The following GFRA1 variants were observed in gnomAD, a reference collection of about 807,000 sequenced individuals.
GFRA1 encodes GDNF family receptor alpha 1.
A neutral mutation model predicts 51.6 loss-of-function variants in GFRA1; 16 were observed. The observed-to-expected ratio is 0.31, with a 90% confidence interval of 0.21 to 0.47. GFRA1 has a LOEUF of 0.47. GFRA1 is among the 20% of genes least tolerant of loss of function. The pLI, the probability that GFRA1 is intolerant of heterozygous loss-of-function variation, is 1.00. For synonymous variants in GFRA1, 270 were observed against 241.3 expected, an observed-to-expected ratio of 1.12 and a Z score of -1.10; for missense variants, 530 against 594.3, an observed-to-expected ratio of 0.89 and a Z score of 1.13.
chr10:116,147,045 A>T (rs368077646), intron 5 of GFRA1, among the ~76,000 whole-genome samples: 1 of 149,142 alleles, frequency 6.7e-6, no homozygotes, highest in African/African-American at 2.5e-5. Flanking sequence ...TGTGTGTGTG[A>T]GAGAGAGAGA....
At chr10:116,245,968 G>C (rs1967833927) in intron 4 of GFRA1, among the ~76,000 whole-genome samples, 1 of 152,180 alleles carries the variant, frequency 6.6e-6, no homozygotes, top group Admixed American at 6.5e-5. Flanking sequence ...TTTTAGGGCA[G>C]TGACACTCTT....
chr10:116,274,059 T>G (rs1844130877), upstream of GFRA1, among the ~76,000 whole-genome samples: 1 of 152,222 alleles, frequency 6.6e-6, no homozygotes, highest in African/African-American at 2.4e-5. Context: ...GACCTCCATT[T>G]TGGCTGTTTC....
In GFRA1 at chr10:116,064,066, TC is replaced by T; in HGVS notation, c.*331del. ...ATCATCATGATCATGATGATCATCA[TC>T]ATGATCATGATGATCATCATCATGA... On this transcript the variant is annotated 3_prime_UTR_variant, in exon 11 of 11. Coordinates refer to ENST00000355422, the MANE Select transcript of GFRA1 (RefSeq NM_005264.8). The T allele has an allele frequency of 6.9e-6, 1 of 144,368 alleles. No homozygotes were observed. The highest frequency in any genetic ancestry group is 5.7e-5 in the African/African-American group (1 of 17,504). The allele number at this position is 144,368 out of a possible 1,614,324, so 8.9% of individuals were successfully genotyped here. A position where few individuals can be genotyped will look rare whatever the true frequency, so the allele number is the denominator to read the frequency against.
intron 4 of GFRA1, among the ~76,000 whole-genome samples, chr10:116,256,040 C>G (rs759739784): frequency 6.6e-6 from 1 of 152,146 alleles, no homozygotes; most frequent in South Asian, 2.1e-4. Context: ...CAGTCATCCA[C>G]CTACCCACCG....
At chr10:116,173,297 G>A (rs149083216) in intron 5 of GFRA1, among the ~76,000 whole-genome samples, 2,256 of 152,240 alleles carry the variant, frequency 0.015, 21 homozygotes, top group Middle Eastern at 0.054. Flanking sequence ...GCTGTCTGCC[G>A]TCCCAGTATG....
Position 116,234,680 on chromosome 10 carries a change from C to A in GFRA1, c.419-23035G>T, listed in dbSNP as rs2091319773. Among the ~76,000 whole-genome samples the A allele has an allele frequency of 1.3e-5, 2 of 152,180 alleles. 1 individual carries two copies. The highest frequency in any genetic ancestry group is 2.9e-5 in the Non-Finnish European group (2 of 68,046). Reference sequence around the variant, plus strand: ...AAATGTACCACTCAGGGCTACTGGACAGAGCTCTGGGGTGGAACATAGACC... The same window carrying A: ...AAATGTACCACTCAGGGCTACTGGAAAGAGCTCTGGGGTGGAACATAGACC... On this transcript the variant is annotated intron_variant, in intron 4 of 10. Transcript: ENST00000355422.
At chr10:116,245,984 T>C (rs1967835473) in intron 4 of GFRA1, among the ~76,000 whole-genome samples, 1 of 152,180 alleles carries the variant, frequency 6.6e-6, no homozygotes, top group South Asian at 2.1e-4. Flanking sequence ...CTCTTCTGTG[T>C]GATACTGTAA....
chr10:116,236,639 G>T (rs1252277799), intron 4 of GFRA1, among the ~76,000 whole-genome samples: 1 of 152,128 alleles, frequency 6.6e-6, no homozygotes, highest in African/African-American at 2.4e-5. Flanking sequence ...TGAGGGAAGG[G>T]GTAACTGTTA....
intron 4 of GFRA1, among the ~76,000 whole-genome samples, chr10:116,252,110 C>T (rs558740214): frequency 2.0e-5 from 3 of 151,602 alleles, no homozygotes; most frequent in East Asian, 1.9e-4. Context: ...TTCCAGCCCA[C>T]GTCAGAGTGC....
chr10:116,200,878 G>T (rs1288186253), intron 5 of GFRA1, among the ~76,000 whole-genome samples: 1 of 152,162 alleles, frequency 6.6e-6, no homozygotes, highest in African/African-American at 2.4e-5. Flanking sequence ...GATCATTCTG[G>T]GGAGAAAGCG....
At chr10:116,099,327 T>C (rs1248524687) in intron 6 of GFRA1, among the ~76,000 whole-genome samples, 11 of 152,224 alleles carry the variant, frequency 7.2e-5, no homozygotes. Context: ...CTTGGAGCAC[T>C]GGTTGTTAAA....
chr10:116,258,126 A>ATATC (rs1360821066), intron 4 of GFRA1, among the ~76,000 whole-genome samples: 4 of 152,062 alleles, frequency 2.6e-5, no homozygotes, highest in Non-Finnish European at 5.9e-5. Flanking sequence ...TATCTTGTTT[A>ATATC]TATCTATCTC....
chr10:116,175,436 G>A (rs1961490722), intron 5 of GFRA1, among the ~76,000 whole-genome samples: 1 of 152,144 alleles, frequency 6.6e-6, no homozygotes, highest in African/African-American at 2.4e-5. Context: ...AAGGACAGAA[G>A]GAGGAGGAAA....
chr10:116,253,824 T>C (rs923506206), intron 4 of GFRA1, among the ~76,000 whole-genome samples: 3 of 152,112 alleles, frequency 2.0e-5, no homozygotes, highest in Non-Finnish European at 2.9e-5. Context: ...AAAAAGGCAA[T>C]AAGCCGGGGT....
intron 4 of GFRA1, among the ~76,000 whole-genome samples, chr10:116,226,488 C>G (rs1360547705): frequency 1.4e-5 from 2 of 146,584 alleles, no homozygotes; most frequent in Non-Finnish European, 3.0e-5. Flanking sequence ...GTGAGGGCAT[C>G]CCCCTTTAGC....
intron 6 of GFRA1, 115 bp from the exon 7 acceptor site, chr10:116,096,879 ACG>A (rs780556001): frequency 0.096 from 18,146 of 189,702 alleles, 399 homozygotes; most frequent in African/African-American, 0.22. Context: ...GCACACGCAC[ACG>A]CACACACACA....
At chr10:116,130,239 G>A (rs1451945584) in intron 5 of GFRA1, among the ~76,000 whole-genome samples, 1 of 151,754 alleles carries the variant, frequency 6.6e-6, no homozygotes, top group Non-Finnish European at 1.5e-5. Flanking sequence ...GATTATTAAG[G>A]CTCAATATTA....
intron 4 of GFRA1, among the ~76,000 whole-genome samples, chr10:116,232,413 C>G (rs540400602): frequency 1.3e-5 from 2 of 151,720 alleles, no homozygotes; most frequent in Admixed American, 6.6e-5. Context: ...TTGTAAATAT[C>G]GAGGCATTGT....
chr10:116,164,517 G>A, intron 5 of GFRA1, among the ~76,000 whole-genome samples: 1 of 152,154 alleles, frequency 6.6e-6, no homozygotes, highest in East Asian at 1.9e-4. Context: ...TGCCCCAGTG[G>A]CTTCCTCATT....
Sources: allele counts gnomAD v4.1 joint callset (sites outside exome capture counted in the v4.1 genomes callset), GRCh38; gene constraint gnomAD v4.1.1; transcripts MANE v1.5; gene names NCBI Gene and HGNC (gene_info 2026-07-23, HGNC 2026-07-21).